The following STIM1 variants were observed in gnomAD, a reference collection of about 807,000 sequenced individuals.
STIM1 encodes the protein stromal interaction molecule 1.
In STIM1, 25 loss-of-function variants were observed where a neutral mutation model predicts 74.7. The observed-to-expected ratio is 0.33, with a 90% CI of 0.24 to 0.47. The LOEUF (loss-of-function observed/expected upper bound fraction) is 0.47. Among genes scored for constraint, STIM1 ranks in the 20% least tolerant of loss-of-function variants. The probability of loss-of-function intolerance (pLI) is 1.00; values close to 1 mark genes in which losing one functional copy is unlikely to be tolerated. For synonymous variants in STIM1, 328 were observed against 348.8 expected (o/e 0.94, Z 0.66); for missense variants, 728 against 920.8 (o/e 0.79, Z 2.71).
Position 4,005,106 on chromosome 11 carries a change from A to G in STIM1, c.271-18767A>G, listed in dbSNP as rs1215834457. ...CAACAGGTGCTGGAGAGGATGTGGA[A>G]TAATAGGAACACTTTTACACTGTTG... is the stretch of plus-strand genomic sequence containing the variant. On this transcript the variant is annotated intron_variant, in intron 2 of 12. Transcript: ENST00000526596. Among the ~76,000 whole-genome samples, 8 of 152,266 alleles carry G rather than the reference A, an allele frequency of 5.3e-5. No homozygotes were observed. In the South Asian group the frequency reaches 1.0e-3, roughly 20 times the overall value.
intron 12 of STIM1, among the ~76,000 whole-genome samples, chr11:4,087,213 T>A (rs1393711076): frequency 6.6e-6 from 1 of 152,204 alleles, no homozygotes; most frequent in African/African-American, 2.4e-5. Context: ...CAGGCTCTGC[T>A]GGGCATAGGG....
In STIM1 at chr11:3,857,087, A is replaced by C. The variant is rs948344741; in HGVS notation, c.139+678A>C. Among the ~76,000 whole-genome samples the C allele has an allele frequency of 2.4e-5, 3 of 126,860 alleles. No homozygotes were observed. The Admixed American group carries it at 2.6e-4, about 11-fold the overall frequency. The allele number at this position is 126,860 out of a possible 152,430, so 83.2% of individuals were successfully genotyped here. A position where few individuals can be genotyped will look rare whatever the true frequency, so the allele number is the denominator to read the frequency against. ...TCTGACTGATGAGGGTGGGAATTCC[A>C]TGCTACAGGTTTTTTTTTTTGTTTT... On this transcript the variant is annotated intron_variant, in intron 1 of 12. Coordinates refer to ENST00000526596, the MANE Select transcript of STIM1 (RefSeq NM_001382567.1).
intron 2 of STIM1, among the ~76,000 whole-genome samples, chr11:3,970,074 C>CTTTTTTTTTTT (rs145136493): frequency 2.9e-5 from 4 of 139,074 alleles, no homozygotes; most frequent in Non-Finnish European, 3.1e-5. Context: ...GCTCCTCATC[C>CTTTTTTTTTTT]TTTTTTTTTT....
intron 12 of STIM1, chr11:4,088,755 G>T: frequency 1.3e-6 from 2 of 1,535,544 alleles, no homozygotes; most frequent in East Asian, 2.4e-5. Flanking sequence ...AGCTTGGGAT[G>T]GGAGTCCGAG....
At chr11:4,006,211 C>T (rs1269569127) in intron 2 of STIM1, among the ~76,000 whole-genome samples, 1 of 152,094 alleles carries the variant, frequency 6.6e-6, no homozygotes, top group Non-Finnish European at 1.5e-5. Context: ...AGTGTGGTAG[C>T]ACCTCCCCCT....
At chr11:3,862,808 A>C (rs1297920068) in intron 1 of STIM1, among the ~76,000 whole-genome samples, 4 of 152,042 alleles carry the variant, frequency 2.6e-5, no homozygotes, top group African/African-American at 9.7e-5. Context: ...GGGGGTAAAA[A>C]AAGTATATAT....
chr11:4,025,961 G>GTGTGT (rs1590658058), intron 3 of STIM1, among the ~76,000 whole-genome samples: 2 of 152,176 alleles, frequency 1.3e-5, no homozygotes, highest in African/African-American at 4.8e-5. Context: ...TTTGCTCACT[G>GTGTGT]TGTGTTATAC....
chr11:3,980,659 A>AAACAAC (rs368458291), intron 2 of STIM1, among the ~76,000 whole-genome samples: 1 of 142,704 alleles, frequency 7.0e-6, no homozygotes, highest in Non-Finnish European at 1.5e-5. Context: ...GCCTGGAACA[A>AAACAAC]AACAACAACA....
chr11:4,018,535 C>G (rs1368897203), intron 2 of STIM1, among the ~76,000 whole-genome samples: 1 of 146,628 alleles, frequency 6.8e-6, no homozygotes, highest in African/African-American at 2.5e-5. Flanking sequence ...ATCCCAGCTA[C>G]TCGGGAGGCT....
At chr11:3,886,687 CAAAA>C (rs199847545) in intron 1 of STIM1, among the ~76,000 whole-genome samples, 1,523 of 87,880 alleles carry the variant, frequency 0.017, 42 homozygotes, top group African/African-American at 0.077. Context: ...GACTCTGTGT[CAAAA>C]AAAAAAAAAA....
At chr11:3,962,485 A>G (rs2093297991) in intron 1 of STIM1, among the ~76,000 whole-genome samples, 1 of 151,736 alleles carries the variant, frequency 6.6e-6, no homozygotes, top group African/African-American at 2.4e-5. Flanking sequence ...GTATAAAAAT[A>G]ATATTTTCTT....
intron 2 of STIM1, among the ~76,000 whole-genome samples, chr11:3,981,773 A>G (rs536963838): frequency 1.6e-4 from 25 of 152,300 alleles, no homozygotes; most frequent in African/African-American, 6.0e-4. Flanking sequence ...CAGAATCTGG[A>G]TGGAGGTAAG....
intron 4 of STIM1, chr11:4,059,004 T>C (rs1338945818): frequency 4.5e-6 from 5 of 1,123,460 alleles, no homozygotes; most frequent in Non-Finnish European, 5.7e-6. Context: ...GAAAATTTAG[T>C]TGGGTGTGGG....
chr11:4,021,821 G>A (rs2093958377), intron 2 of STIM1, among the ~76,000 whole-genome samples: 1 of 152,038 alleles, frequency 6.6e-6, no homozygotes, highest in Admixed American at 6.6e-5. Context: ...TGTACATAGG[G>A]TATCTTTCCA....
chr11:3,990,222 T>C (rs1209614763), intron 2 of STIM1, among the ~76,000 whole-genome samples: 3 of 152,252 alleles, frequency 2.0e-5, no homozygotes, highest in African/African-American at 7.2e-5. Flanking sequence ...GTACTGCCTG[T>C]ACATGTTCAT....
At chr11:3,880,629 A>G (rs2135319200) in intron 1 of STIM1, among the ~76,000 whole-genome samples, 1 of 152,312 alleles carries the variant, frequency 6.6e-6, no homozygotes, top group East Asian at 1.9e-4. Flanking sequence ...TGTTTGTTAA[A>G]TACTTCCCTA....
At chr11:3,919,544 A>T (rs1054278982) in intron 1 of STIM1, among the ~76,000 whole-genome samples, 1 of 152,100 alleles carries the variant, frequency 6.6e-6, no homozygotes, top group African/African-American at 2.4e-5. Context: ...GAGTCTTTCA[A>T]ATTTAAATAG....
intron 3 of STIM1, among the ~76,000 whole-genome samples, chr11:4,050,569 G>A (rs956026795): frequency 1.3e-5 from 2 of 152,104 alleles, no homozygotes; most frequent in African/African-American, 4.8e-5. Context: ...TGACCTCTGG[G>A]TTCTTTTGTA....
intron 1 of STIM1, among the ~76,000 whole-genome samples, chr11:3,896,526 C>T (rs1394725945): frequency 6.6e-6 from 1 of 152,144 alleles, no homozygotes; most frequent in African/African-American, 2.4e-5. Flanking sequence ...GCTGCCGATG[C>T]AACACTAGGT....
Sources: allele counts gnomAD v4.1 joint callset (sites outside exome capture counted in the v4.1 genomes callset), GRCh38; gene constraint gnomAD v4.1.1; transcripts MANE v1.5; gene names NCBI Gene and HGNC (gene_info 2026-07-23, HGNC 2026-07-21).